Variants in FEZ2 observed in about 807,000 individuals in gnomAD.
FEZ2 encodes fasciculation and elongation protein zeta-2.
In FEZ2, 51 loss-of-function variants were observed where a neutral mutation model predicts 40.4. The observed-to-expected ratio is 1.26, with a 90% CI of 1.01 to 1.59. The LOEUF (loss-of-function observed/expected upper bound fraction) is 1.59, where lower values mean the gene tolerates loss of function less well. FEZ2 is among the 40% of genes most tolerant of loss of function. The pLI, the probability that FEZ2 is intolerant of heterozygous loss-of-function variation, is 0.00. For synonymous variants in FEZ2, 242 were observed against 172.0 expected, an observed-to-expected ratio of 1.41 and a Z score of -3.18; for missense variants, 640 against 438.3, an observed-to-expected ratio of 1.46 and a Z score of -4.11.
At chr2:36,568,360 AT>A (rs1015963123) in intron 5 of FEZ2, among the ~76,000 whole-genome samples, 1 of 152,226 alleles carries the variant, frequency 6.6e-6, no homozygotes, top group African/African-American at 2.4e-5. Flanking sequence ...TAAGTAAATA[AT>A]TTTTTAAAAG....
intron 3 of FEZ2, chr2:36,581,720 G>A (rs941676939): frequency 1.1e-5 from 3 of 282,736 alleles, no homozygotes; most frequent in South Asian, 6.5e-5. Context: ...CTAGGTAATC[G>A]TGCTACAAAC....
chr2:36,553,645 C>T (rs1272085781), intron 7 of FEZ2, among the ~76,000 whole-genome samples: 2 of 152,250 alleles, frequency 1.3e-5, no homozygotes, highest in African/African-American at 4.8e-5. Flanking sequence ...TAGGCAGGTG[C>T]GAGAAAGAGA....
intron 5 of FEZ2, among the ~76,000 whole-genome samples, chr2:36,572,741 A>G (rs757269113): frequency 6.6e-6 from 1 of 152,208 alleles, no homozygotes; most frequent in Non-Finnish European, 1.5e-5. Context: ...TGTTAAAAAA[A>G]TTCCAAATTA....
chr2:36,583,461 G>A lies in FEZ2; in HGVS notation c.384C>T (p.Asp128=). 1.3e-6 allele frequency: 2 copies of A among 1,558,810 alleles called. No individual in the cohort carries two copies. The highest frequency in any genetic ancestry group is 1.7e-5 in the Admixed American group (1 of 59,918). The change falls in exon 3 of 8, where the codon GAC becomes GAT. Residue 128 remains aspartate (D), a synonymous_variant. Coordinates refer to ENST00000405912, the MANE Select transcript of FEZ2 (RefSeq NM_005102.3). ...CATCTGATGTATCAAAGAGCAAACT[G>A]TCACTTACCTAAAAACAAAAATACC... ...TLNLSEKGVS[D]SLLFDTSDDE... is the part of the protein sequence containing the mutation.
At chr2:36,553,902 AAC>A (rs1243579554) in intron 7 of FEZ2, among the ~76,000 whole-genome samples, 1 of 152,170 alleles carries the variant, frequency 6.6e-6, no homozygotes, top group Non-Finnish European at 1.5e-5. Context: ...AAGGAAGAGG[AAC>A]AGTTAACCAG....
At chr2:36,594,852 C>T (rs2148353814) in intron 1 of FEZ2, among the ~76,000 whole-genome samples, 1 of 152,296 alleles carries the variant, frequency 6.6e-6, no homozygotes, top group South Asian at 2.1e-4. Flanking sequence ...TTAGAAGTGC[C>T]TGTCAGTGAG....
chr2:36,592,495 A>G (rs1212464593), intron 1 of FEZ2, among the ~76,000 whole-genome samples: 1 of 152,162 alleles, frequency 6.6e-6, no homozygotes, highest in African/African-American at 2.4e-5. Context: ...AACATCCCAA[A>G]TGATGTTTGG....
chr2:36,582,654 C>T (rs751886229), intron 3 of FEZ2, among the ~76,000 whole-genome samples: 9 of 152,178 alleles, frequency 5.9e-5, no homozygotes, highest in Non-Finnish European at 1.0e-4. Context: ...CCAAATAACA[C>T]AATTTTAATG....
chr2:36,589,062 A>G (rs928668180), intron 2 of FEZ2, among the ~76,000 whole-genome samples: 12 of 152,236 alleles, frequency 7.9e-5, no homozygotes, highest in Admixed American at 7.2e-4. Context: ...CTCTGGCCCT[A>G]CAGTTTCACT....
intron 4 of FEZ2, among the ~76,000 whole-genome samples, chr2:36,580,354 G>A (rs1242219605): frequency 3.9e-5 from 6 of 152,206 alleles, no homozygotes; most frequent in African/African-American, 9.6e-5. Flanking sequence ...AGGTAACTAA[G>A]CTTTGGACTG....
At chr2:36,560,858 C>T (rs759395676) in intron 5 of FEZ2, 2 of 1,607,964 alleles carry the variant, frequency 1.2e-6, no homozygotes, top group Non-Finnish European at 1.7e-6. Context: ...CCCTTCCATG[C>T]TGAAGCGCTA....
intron 2 of FEZ2, among the ~76,000 whole-genome samples, chr2:36,584,257 A>G (rs1316415041): frequency 6.6e-6 from 1 of 152,192 alleles, no homozygotes; most frequent in Admixed American, 6.6e-5. Flanking sequence ...AGCTCTGATT[A>G]GCAGACTTCT....
rs578208771 is a variant in FEZ2 at position 36,572,788 on chromosome 2, T to C, written c.903+5809A>G. Among the ~76,000 whole-genome samples, 230 of 152,318 alleles carry C rather than the reference T, an allele frequency of 1.5e-3. 2 individuals carry two copies. Among genetic ancestry groups the C allele is most frequent in the African/African-American group, 5.4e-3 (224 of 41,572 alleles). On this transcript the variant is annotated intron_variant, in intron 5 of 7. Transcript: ENST00000405912. ...GGAAAAAGCCAGGTCCATGTTGTTT[T>C]AAACAGAAGCCCCAAACAAAGGCTA...
At position 36,590,933 on chromosome 2, in the gene FEZ2, G is replaced by A; in HGVS notation, c.345C>T (p.His115=). Residue 115 remains histidine (H), a synonymous_variant, in exon 2 of 8, where the codon CAC becomes CAT. Transcript: ENST00000405912. ...DWKSSHTRTL[H]LLTLNLSEKG... is the part of the protein sequence containing the mutation. Reference sequence around the variant, plus strand: ...TTTCTGAGAGGTTCAGAGTAAGCAAGTGCAAGGTCCTAGTATGCGATGACT... The same window carrying A: ...TTTCTGAGAGGTTCAGAGTAAGCAAATGCAAGGTCCTAGTATGCGATGACT... 2 of 1,611,064 alleles carry A rather than the reference G, an allele frequency of 1.2e-6. No individual in the cohort carries two copies. The highest frequency in any genetic ancestry group is 1.7e-6 in the Non-Finnish European group (2 of 1,177,170).
chr2:36,563,949 T>C (rs921575087), intron 5 of FEZ2, among the ~76,000 whole-genome samples: 1 of 152,218 alleles, frequency 6.6e-6, no homozygotes, highest in African/African-American at 2.4e-5. Context: ...CAGTGTTCCC[T>C]AGGATCTTGT....
chr2:36,588,959 T>C (rs889550019), intron 2 of FEZ2, among the ~76,000 whole-genome samples: 126 of 152,196 alleles, frequency 8.3e-4, no homozygotes, highest in African/African-American at 3.0e-3. Context: ...TTTTAATATG[T>C]CAAAAAAGTA....
At chr2:36,581,598 A>G in intron 3 of FEZ2, 167 bp from the exon 4 acceptor site, 1 of 600,574 alleles carries the variant, frequency 1.7e-6, no homozygotes, top group Non-Finnish European at 3.0e-6. Flanking sequence ...TTACTGTAGG[A>G]GTGAACATGG....
At chr2:36,594,854 G>A (rs1669168118) in intron 1 of FEZ2, among the ~76,000 whole-genome samples, 1 of 152,220 alleles carries the variant, frequency 6.6e-6, no homozygotes, top group Admixed American at 6.5e-5. Flanking sequence ...AGAAGTGCCT[G>A]TCAGTGAGTT....
At chr2:36,558,044 G>C (rs1667998570) in intron 6 of FEZ2, 1 of 154,100 alleles carries the variant, frequency 6.5e-6, no homozygotes, top group African/African-American at 2.4e-5. Context: ...ACATTCATAA[G>C]AAATAAAAAG....
Sources: allele counts gnomAD v4.1 joint callset (sites outside exome capture counted in the v4.1 genomes callset), GRCh38; gene constraint gnomAD v4.1.1; transcripts MANE v1.5; gene names NCBI Gene and HGNC (gene_info 2026-07-23, HGNC 2026-07-21).